The following FTO variants were observed in gnomAD, a reference collection of about 807,000 sequenced individuals.
FTO encodes the protein FTO alpha-ketoglutarate dependent dioxygenase, also known as alpha-ketoglutarate-dependent dioxygenase FTO.
A neutral mutation model predicts 63.9 loss-of-function variants in FTO; 47 were observed. The ratio of observed to expected loss-of-function variants is 0.74; its 90% CI spans 0.58 to 0.94. The LOEUF (loss-of-function observed/expected upper bound fraction) is 0.94, where lower values mean the gene tolerates loss of function less well. Ranked by LOEUF, FTO falls within the 40% of genes least tolerant of loss-of-function variation. FTO has a pLI of 0.00. For missense variants in FTO, 562 were observed against 618.1 expected (o/e 0.91, Z 0.96); for synonymous variants, 207 against 224.4 (o/e 0.92, Z 0.69).
chr16:54,020,832 C>A (rs2388452), intron 8 of FTO, among the ~76,000 whole-genome samples: 46,718 of 151,810 alleles, frequency 0.31, 7,627 homozygotes, highest in South Asian at 0.44. Flanking sequence ...ATTAGCTGGG[C>A]ATGGTGGCAC....
intron 8 of FTO, among the ~76,000 whole-genome samples, chr16:54,019,864 T>A (rs2084547216): frequency 6.6e-6 from 1 of 152,146 alleles, no homozygotes; most frequent in Non-Finnish European, 1.5e-5. Context: ...ACTTCACTAC[T>A]CATTAGCACC....
intron 4 of FTO, among the ~76,000 whole-genome samples, chr16:53,854,920 G>C (rs1028771439): frequency 6.6e-6 from 1 of 152,036 alleles, no homozygotes; most frequent in Non-Finnish European, 1.5e-5. Flanking sequence ...GTGAGTATGG[G>C]ATGTATTTCT....
intron 7 of FTO, among the ~76,000 whole-genome samples, chr16:53,894,217 TC>T (rs1313726625): frequency 6.6e-6 from 1 of 152,204 alleles, no homozygotes; most frequent in East Asian, 1.9e-4. Flanking sequence ...TCATGCCTTT[TC>T]CCCTGCTATT....
intron 4 of FTO, among the ~76,000 whole-genome samples, chr16:53,871,979 G>A (rs1041281494): frequency 9.2e-5 from 14 of 152,074 alleles, no homozygotes; most frequent in Admixed American, 3.3e-4. Context: ...CACCCACTTC[G>A]GCCTCCCAAA....
chr16:54,037,285 G>C (rs1224243695), intron 8 of FTO, among the ~76,000 whole-genome samples: 1 of 152,176 alleles, frequency 6.6e-6, no homozygotes, highest in East Asian at 1.9e-4. Flanking sequence ...CCCAAAAATG[G>C]AGAATGTGGC....
At chr16:53,724,500 A>G (rs551651170) in intron 1 of FTO, among the ~76,000 whole-genome samples, 2 of 152,320 alleles carry the variant, frequency 1.3e-5, no homozygotes, top group East Asian at 3.9e-4. Context: ...CTAGGGCTCT[A>G]TTTGTGATTA....
At position 53,869,536 on chromosome 16, in the gene FTO, G is replaced by C. The variant is rs565590946; in HGVS notation, c.896-4250G>C. On this transcript the variant is annotated intron_variant, in intron 4 of 8. Transcript: ENST00000471389. The stretch of plus-strand genomic sequence containing the variant: ...TTACACCTATTGCAGTTGTCCCATA[G>C]TTCTGTTTTTTTTTTTTTTTCAGTC... Among the ~76,000 whole-genome samples the C allele has an allele frequency of 3.5e-5, 4 of 114,950 alleles. No homozygotes were observed. In the East Asian group the frequency reaches 1.3e-3, roughly 38 times the overall value. The allele number at this position is 114,950 out of a possible 152,430, so 75.4% of individuals were successfully genotyped here.
chr16:54,022,297 T>C (rs1381179838), intron 8 of FTO, among the ~76,000 whole-genome samples: 1 of 152,200 alleles, frequency 6.6e-6, no homozygotes, highest in African/African-American at 2.4e-5. Context: ...GCTGCTACTG[T>C]TTCTGATTGG....
intron 8 of FTO, among the ~76,000 whole-genome samples, chr16:54,090,352 G>A (rs1475115724): frequency 6.6e-6 from 1 of 152,188 alleles, no homozygotes; most frequent in Non-Finnish European, 1.5e-5. Flanking sequence ...AGACAAAGTA[G>A]ATGATAGGTT....
At chr16:53,833,653 G>T (rs7188989) in intron 3 of FTO, among the ~76,000 whole-genome samples, 1 of 152,004 alleles carries the variant, frequency 6.6e-6, no homozygotes, top group South Asian at 2.1e-4. Flanking sequence ...AGGAACTGCT[G>T]TACTGTTTTC....
chr16:53,943,609 A>T (rs973233734), intron 8 of FTO, among the ~76,000 whole-genome samples: 1 of 152,360 alleles, frequency 6.6e-6, no homozygotes, highest in Admixed American at 6.5e-5. Context: ...AATGACAGAT[A>T]TGAACTCTTT....
At chr16:53,775,741 T>A (rs1030223331) in intron 1 of FTO, among the ~76,000 whole-genome samples, 5 of 152,190 alleles carry the variant, frequency 3.3e-5, no homozygotes, top group Non-Finnish European at 7.4e-5. Flanking sequence ...TGTCCTTTAC[T>A]AACTTTTCAG....
chr16:54,023,186 C>G (rs2084638704), intron 8 of FTO, among the ~76,000 whole-genome samples: 1 of 152,212 alleles, frequency 6.6e-6, no homozygotes. Context: ...TGTAAATAGT[C>G]TGCTGTAGCA....
At chr16:53,754,825 C>CT (rs1353386826) in intron 1 of FTO, among the ~76,000 whole-genome samples, 2 of 152,180 alleles carry the variant, frequency 1.3e-5, no homozygotes, top group Admixed American at 6.5e-5. Context: ...AGTAACAAAT[C>CT]TTTTTTTAGA....
At chr16:54,086,815 G>C (rs1327571044) in intron 8 of FTO, among the ~76,000 whole-genome samples, 1 of 152,186 alleles carries the variant, frequency 6.6e-6, no homozygotes. Context: ...AATGCCTTTA[G>C]CAACTGAGGT....
chr16:53,753,121 C>CGT (rs2151577058), intron 1 of FTO, among the ~76,000 whole-genome samples: 1 of 151,674 alleles, frequency 6.6e-6, no homozygotes, highest in Admixed American at 6.6e-5. Context: ...TGCATGATGG[C>CGT]GTGCACATGT....
chr16:53,994,924 G>A (rs1009995827), intron 8 of FTO, among the ~76,000 whole-genome samples: 1 of 151,992 alleles, frequency 6.6e-6, no homozygotes, highest in African/African-American at 2.4e-5. Flanking sequence ...TGGTAGAGAC[G>A]GGTTTCACCA....
At chr16:53,940,099 A>G (rs1417332698) in intron 8 of FTO, among the ~76,000 whole-genome samples, 1 of 151,854 alleles carries the variant, frequency 6.6e-6, no homozygotes, top group African/African-American at 2.4e-5. Context: ...ACACCATCTT[A>G]TGTTCCCACC....
At chr16:53,891,980 C>T (rs529283383) in intron 7 of FTO, among the ~76,000 whole-genome samples, 8 of 152,156 alleles carry the variant, frequency 5.3e-5, no homozygotes, top group Non-Finnish European at 1.0e-4. Context: ...TGATCTTTAT[C>T]AGCAGAGTGA....
Sources: gnomAD v4.1 joint callset for allele counts (sites outside exome capture counted in the v4.1 genomes callset) on GRCh38, gnomAD v4.1.1 for gene constraint, MANE v1.5 for transcripts, NCBI Gene and HGNC (gene_info 2026-07-23, HGNC 2026-07-21) for gene names.